RBBP7: variants seen among roughly 807,000 people sequenced by gnomAD.
RBBP7 encodes the protein RB binding protein 7, chromatin remodeling factor.
In RBBP7, 5 loss-of-function variants were observed where a neutral mutation model predicts 35.2. The ratio of observed to expected loss-of-function variants is 0.14; its 90% CI spans 0.07 to 0.30. The LOEUF is 0.30. Among genes scored for constraint, RBBP7 ranks in the 10% least tolerant of loss-of-function variants. The probability of loss-of-function intolerance (pLI) is 1.00; values close to 1 mark genes in which losing one functional copy is unlikely to be tolerated. For synonymous variants in RBBP7, 140 were observed against 118.7 expected (o/e 1.18, Z -1.17); for missense variants, 155 against 327.5 (o/e 0.47, Z 4.07).
chrX:16,864,257 C>T (rs986347119), intron 2 of RBBP7, among the ~76,000 whole-genome samples: 2 of 110,721 alleles, frequency 1.8e-5, no homozygotes, highest in Non-Finnish European at 3.8e-5. Flanking sequence ...CCGTGGCTCA[C>T]GCCTGTAATC....
At chrX:16,850,077 C>T (rs1164583867) in intron 9 of RBBP7, among the ~76,000 whole-genome samples, 4 of 112,302 alleles carry the variant, frequency 3.6e-5, no homozygotes, top group Non-Finnish European at 5.6e-5. Context: ...CCAAGTGAGA[C>T]ATTTTTTTCC....
intron 1 of RBBP7, chrX:16,869,740 C>G (rs1930727116): frequency 2.1e-6 from 2 of 969,932 alleles, no homozygotes; most frequent in African/African-American, 4.2e-5. Flanking sequence ...CGCTTCCCAG[C>G]GGCGGGGGCC....
chrX:16,865,301 G>C (rs1363243862), intron 2 of RBBP7, among the ~76,000 whole-genome samples: 3 of 111,243 alleles, frequency 2.7e-5, no homozygotes, highest in Non-Finnish European at 5.7e-5. Flanking sequence ...TTGAGAGAAA[G>C]AAGGCACCAC....
At chrX:16,849,691 T>C (rs1485128458) in intron 9 of RBBP7, among the ~76,000 whole-genome samples, 1 of 112,216 alleles carries the variant, frequency 8.9e-6, no homozygotes, top group East Asian at 2.8e-4. Context: ...TTATTGTCAA[T>C]AATAAACATT....
chrX:16,845,364 C>A (rs1930045397), intron 11 of RBBP7, among the ~76,000 whole-genome samples: 1 of 112,232 alleles, frequency 8.9e-6, no homozygotes, highest in African/African-American at 3.2e-5. Context: ...AAAGGCACTT[C>A]AAGCATCGTT....
intron 3 of RBBP7, among the ~76,000 whole-genome samples, chrX:16,859,167 T>C (rs946831319): frequency 8.9e-6 from 1 of 112,704 alleles, no homozygotes; most frequent in Non-Finnish European, 1.9e-5. Flanking sequence ...CAAGTAACCA[T>C]ATAATAAGCA....
rs899796124 is a variant in RBBP7 at position 16,852,848 on chromosome X, G to A, written c.786C>T (p.Ser262=). The change falls in exon 7 of 12, where the codon TCC becomes TCT. Residue 262 remains serine, a synonymous_variant. Coordinates refer to ENST00000380087, the MANE Select transcript of RBBP7 (RefSeq NM_002893.4). Reference sequence around the variant, plus strand: ...GCGCATCCACCAAGTGACTCGGCTTGGAGGTGGTATTGGACCTGGTGTCCC... The same window carrying A: ...GCGCATCCACCAAGTGACTCGGCTTAGAGGTGGTATTGGACCTGGTGTCCC... The part of the protein sequence containing the change: ...MIWDTRSNTT[S]KPSHLVDAHT... 8.3e-7 allele frequency: 1 copy of A among 1,211,834 alleles called. No individual in the cohort carries two copies. The highest frequency in any genetic ancestry group is 1.1e-6 in the Non-Finnish European group (1 of 895,594).
intron 2 of RBBP7, among the ~76,000 whole-genome samples, chrX:16,867,882 A>C (rs1602429271): frequency 9.5e-6 from 1 of 104,862 alleles, no homozygotes; most frequent in African/African-American, 3.5e-5. Context: ...ATGGGATTTC[A>C]CCTTGTTGCC....
chrX:16,854,405 G>A (rs1286381867), intron 5 of RBBP7, among the ~76,000 whole-genome samples: 1 of 110,219 alleles, frequency 9.1e-6, no homozygotes, highest in Non-Finnish European at 1.9e-5. Context: ...ACTGATGCTG[G>A]AATTTCTACC....
Position 16,870,142 on chromosome X carries a change from C to A in RBBP7, c.-89G>T. On this transcript the variant is annotated 5_prime_UTR_variant, in exon 1 of 12. Transcript: ENST00000380087. ...CGACCGCTGGCGCTCCTGCCTTTCC[C>A]AAGCGCGTCACACTCCCCACTGTCG... 9.9e-7 allele frequency: 1 copy of A among 1,006,979 alleles called. No homozygotes were observed. Among genetic ancestry groups the A allele is most frequent in the Non-Finnish European group, 1.3e-6 (1 of 782,155 alleles). 83.0% of individuals were successfully genotyped at this position (1,006,979 alleles called of 1,213,427 possible). A position where few individuals can be genotyped will look rare whatever the true frequency, so the allele number is the denominator to read the frequency against.
At chrX:16,864,750 C>T (rs1189392072) in intron 2 of RBBP7, among the ~76,000 whole-genome samples, 2 of 109,255 alleles carry the variant, frequency 1.8e-5, no homozygotes, top group African/African-American at 3.3e-5. Context: ...CCAGGCTGGC[C>T]TCCAACTCCT....
intron 2 of RBBP7, 75 bp from the exon 3 acceptor site, chrX:16,863,175 C>G (rs760462214): frequency 1.4e-5 from 14 of 978,527 alleles, no homozygotes; most frequent in Non-Finnish European, 1.7e-5. Flanking sequence ...GTCTAGTTCC[C>G]TCAAAATACA....
intron 1 of RBBP7, chrX:16,869,509 G>A (rs1010774982): frequency 1.1e-5 from 13 of 1,165,098 alleles, no homozygotes; most frequent in Non-Finnish European, 1.5e-5. Flanking sequence ...CTAAGATGAC[G>A]ACCTGTACGT....
At position 16,844,894 on chromosome X, in the gene RBBP7, T is replaced by C. The variant is rs756188425; in HGVS notation, c.*141A>G. Reference sequence around the variant, plus strand: ...ATGATACAGTACGCAACAGCTCACTTGAAAGTGCTAGAATCAGAGGATAAA... The same window carrying C: ...ATGATACAGTACGCAACAGCTCACTCGAAAGTGCTAGAATCAGAGGATAAA... On this transcript the variant is annotated 3_prime_UTR_variant, in exon 12 of 12. Coordinates refer to ENST00000380087, the MANE Select transcript of RBBP7 (RefSeq NM_002893.4). 114 of 473,351 alleles carry C rather than the reference T, an allele frequency of 2.4e-4. No homozygotes were observed. The South Asian group carries it at 3.8e-3, about 16-fold the overall frequency. The allele number at this position is 473,351 out of a possible 1,213,427, so 39.0% of individuals were successfully genotyped here.
chrX:16,869,729 T>C, intron 1 of RBBP7: 1 of 974,429 alleles, frequency 1.0e-6, no homozygotes, highest in East Asian at 4.2e-5. Context: ...GCCGCGGCGC[T>C]CGCTTCCCAG....
At chrX:16,867,841 G>GTTT (rs746976479) in intron 2 of RBBP7, among the ~76,000 whole-genome samples, 1 of 95,486 alleles carries the variant, frequency 1.0e-5, no homozygotes. Context: ...GCCACGCCCG[G>GTTT]TTTTTTTTTT....
intron 10 of RBBP7, chrX:16,847,855 C>T (rs1210502522): frequency 2.7e-5 from 3 of 111,049 alleles, no homozygotes; most frequent in East Asian, 2.8e-4. Context: ...CAGGAGCCAC[C>T]ATGCCCAGGC....
Position 16,862,939 on chromosome X carries a change from TATATG to T in RBBP7, c.307+11_307+15del, listed in dbSNP as rs749579047. ...TTTCCCTTTGACACCAATATTGGAATATATGATATACCTACCACCCTTGTCACTGT... is the reference window on the plus strand; with the variant it reads ...TTTCCCTTTGACACCAATATTGGAATATATACCTACCACCCTTGTCACTGT... On this transcript the variant is annotated intron_variant, in intron 3 of 11. Transcript: ENST00000380087. The T allele has an allele frequency of 2.5e-6, 3 of 1,203,955 alleles. No homozygotes were observed. The highest frequency in any genetic ancestry group is 3.4e-6 in the Non-Finnish European group (3 of 889,291).
chrX:16,857,648 A>C lies in RBBP7; in HGVS notation c.543T>G (p.Gly181=). ...CACTCAAATTTGAATTCCAGGAGAG[A>C]CCATAGCCTTCCTTCTGGTGACCTC... The part of the protein sequence containing the change: ...RLRGHQKEGY[G]LSWNSNLSGH... The change falls in exon 5 of 12, where the codon GGT becomes GGG. Residue 181 remains glycine (G), a synonymous_variant. Coordinates refer to ENST00000380087, the MANE Select transcript of RBBP7 (RefSeq NM_002893.4). 2 of 1,204,235 alleles carry C rather than the reference A, an allele frequency of 1.7e-6. No homozygotes were observed. Among genetic ancestry groups the C allele is most frequent in the Non-Finnish European group, 2.2e-6 (2 of 893,538 alleles).
Sources: allele counts gnomAD v4.1 joint callset (sites outside exome capture counted in the v4.1 genomes callset), GRCh38; gene constraint gnomAD v4.1.1; transcripts MANE v1.5; gene names NCBI Gene and HGNC (gene_info 2026-07-23, HGNC 2026-07-21).